Variants in NXPE2 observed in about 807,000 individuals in gnomAD.
NXPE2 encodes the protein NXPE family member 2.
Under a neutral mutation model 34.4 loss-of-function variants are expected in NXPE2, and 34 were observed. The ratio of observed to expected loss-of-function variants is 0.99; its 90% CI spans 0.75 to 1.31. NXPE2 has a LOEUF of 1.31. Ranked by LOEUF, NXPE2 falls within the 40% of genes most tolerant of loss-of-function variation. NXPE2 has a pLI of 0.00. For missense variants in NXPE2, 649 were observed against 672.5 expected (o/e 0.97, Z 0.39); for synonymous variants, 235 against 231.3 (o/e 1.02, Z -0.15).
chr11:114,808,466 AAG>A, the NXPE2 span, among the ~76,000 whole-genome samples: 2 of 65,310 alleles, frequency 3.1e-5, no homozygotes, highest in South Asian at 8.4e-4. Context: ...TAAAGAAGAA[AAG>A]AGAGAAGAAT....
the NXPE2 span, among the ~76,000 whole-genome samples, chr11:114,484,359 G>GT: frequency 2.6e-5 from 4 of 152,106 alleles, no homozygotes; most frequent in Non-Finnish European, 4.4e-5. Flanking sequence ...GGGATGTGGG[G>GT]GGGTAGAATT....
chr11:114,599,394 G>A, the NXPE2 span, among the ~76,000 whole-genome samples: 1 of 152,058 alleles, frequency 6.6e-6, no homozygotes, highest in Non-Finnish European at 1.5e-5. Flanking sequence ...TTATATTCTT[G>A]TCTTCTTCTG....
chr11:114,589,585 T>A, the NXPE2 span, among the ~76,000 whole-genome samples: 1 of 152,150 alleles, frequency 6.6e-6, no homozygotes, highest in Non-Finnish European at 1.5e-5. Context: ...GCCAGCATAC[T>A]TATAGCCCCA....
At chr11:114,634,233 A>C in the NXPE2 span, among the ~76,000 whole-genome samples, 1 of 151,654 alleles carries the variant, frequency 6.6e-6, no homozygotes, top group Non-Finnish European at 1.5e-5. Context: ...GCATTTTTTC[A>C]TGTGTTTTTT....
chr11:114,473,831 C>A, the NXPE2 span, among the ~76,000 whole-genome samples: 2 of 152,172 alleles, frequency 1.3e-5, no homozygotes, highest in African/African-American at 4.8e-5. Context: ...AATTCTGTGA[C>A]CTTGAACCAG....
the NXPE2 span, among the ~76,000 whole-genome samples, chr11:114,635,997 A>G: frequency 5.1e-3 from 778 of 152,024 alleles, 5 homozygotes; most frequent in African/African-American, 0.016. Flanking sequence ...GTTAGGGAGG[A>G]TTCCCTCTTT....
At chr11:114,740,893 G>GGAT in the NXPE2 span, among the ~76,000 whole-genome samples, 1 of 152,052 alleles carries the variant, frequency 6.6e-6, no homozygotes, top group East Asian at 1.9e-4. Context: ...TCCTTTTGAT[G>GGAT]GATGACTCCT....
chr11:114,648,644 C>A, the NXPE2 span, among the ~76,000 whole-genome samples: 1 of 151,976 alleles, frequency 6.6e-6, no homozygotes, highest in Non-Finnish European at 1.5e-5. Flanking sequence ...AAGTTAGCAC[C>A]CATATGCATC....
At chr11:114,761,443 A>T in the NXPE2 span, among the ~76,000 whole-genome samples, 1 of 152,148 alleles carries the variant, frequency 6.6e-6, no homozygotes, top group African/African-American at 2.4e-5. Context: ...ACTTCCCAGC[A>T]TCACACCCAT....
the NXPE2 span, among the ~76,000 whole-genome samples, chr11:114,489,992 T>G: frequency 2.0e-5 from 3 of 152,202 alleles, no homozygotes; most frequent in Non-Finnish European, 4.4e-5. Context: ...CTCAAGCTGA[T>G]AAGCAACTTC....
the NXPE2 span, chr11:114,582,754 C>CCAG: frequency 1.2e-6 from 2 of 1,614,186 alleles, no homozygotes; most frequent in East Asian, 4.5e-5. Flanking sequence ...TCCCTCACCT[C>CCAG]CAGCAGGATG....
the NXPE2 span, among the ~76,000 whole-genome samples, chr11:114,549,209 A>T: frequency 3.3e-5 from 5 of 152,060 alleles, no homozygotes; most frequent in Non-Finnish European, 7.4e-5. Context: ...TCCCAATATT[A>T]CTTAAATAAG....
the NXPE2 span, among the ~76,000 whole-genome samples, chr11:114,609,980 C>T: frequency 1.3e-5 from 2 of 151,640 alleles, no homozygotes; most frequent in East Asian, 3.9e-4. Flanking sequence ...ATAGTTGTTG[C>T]CTCACAGGTA....
At chr11:114,591,144 A>G in the NXPE2 span, among the ~76,000 whole-genome samples, 4 of 152,204 alleles carry the variant, frequency 2.6e-5, no homozygotes, top group African/African-American at 9.7e-5. Context: ...AATATCCAGT[A>G]GTCACTCTGA....
At chr11:114,464,864 A>G in the NXPE2 span, among the ~76,000 whole-genome samples, 1 of 152,226 alleles carries the variant, frequency 6.6e-6, no homozygotes, top group Non-Finnish European at 1.5e-5. Flanking sequence ...AAACGAAAAA[A>G]GAAATCCAAT....
the NXPE2 span, among the ~76,000 whole-genome samples, chr11:114,650,833 C>T: frequency 6.8e-6 from 1 of 147,266 alleles, no homozygotes; most frequent in East Asian, 1.9e-4. Context: ...AGGCTGGACC[C>T]GGAAAACAGA....
chr11:114,620,106 C>T, the NXPE2 span, among the ~76,000 whole-genome samples: 5 of 151,964 alleles, frequency 3.3e-5, no homozygotes, highest in African/African-American at 9.7e-5. Flanking sequence ...CCACTGTTAC[C>T]CAGTGGATAA....
At chr11:114,612,806 G>A in the NXPE2 span, among the ~76,000 whole-genome samples, 11 of 151,836 alleles carry the variant, frequency 7.2e-5, no homozygotes, top group East Asian at 2.0e-4. Context: ...GTGTTGCCTC[G>A]TGGGAAAGCA....
the NXPE2 span, among the ~76,000 whole-genome samples, chr11:114,519,928 G>A: frequency 8.8e-6 from 1 of 113,536 alleles, no homozygotes; most frequent in South Asian, 2.8e-4. Flanking sequence ...GTCTCGCTCT[G>A]TAGCCCAGTC....
Sources: allele counts gnomAD v4.1 joint callset (sites outside exome capture counted in the v4.1 genomes callset), GRCh38; gene constraint gnomAD v4.1.1; transcripts MANE v1.5; gene names NCBI Gene and HGNC (gene_info 2026-07-23, HGNC 2026-07-21).